The following CFAP299 variants were observed in gnomAD, a reference collection of about 807,000 sequenced individuals.
CFAP299 encodes the protein cilia and flagella associated protein 299.
Under a neutral mutation model 27.0 loss-of-function variants are expected in CFAP299, and 21 were observed. The ratio of observed to expected loss-of-function variants is 0.78; its 90% CI spans 0.55 to 1.12. The LOEUF is 1.12. Among genes scored for constraint, CFAP299 ranks in the 50% most tolerant of loss-of-function variants. CFAP299 has a pLI of 0.00. For synonymous variants in CFAP299, 104 were observed against 98.1 expected (o/e 1.06, Z -0.36); for missense variants, 310 against 276.6 (o/e 1.12, Z -0.86).
rs141060235 is a variant in CFAP299, at chr4:80,376,811, C to T, written c.242+13927C>T. Among the ~76,000 whole-genome samples, 1,288 of 152,228 alleles carry T rather than the reference C, an allele frequency of 8.5e-3. 4 individuals are homozygous for T. Among genetic ancestry groups the T allele is most frequent in the Middle Eastern group, 0.034 (10 of 294 alleles). ...CTGGAATTACAGGTGCCCGCCACCA[C>T]GCCTGGCTAATTTTTGTATTTTTAG... On this transcript the variant is annotated intron_variant, in intron 2 of 5. Transcript: ENST00000358105.
At chr4:80,424,889 A>T (rs1163575488) in intron 2 of CFAP299, among the ~76,000 whole-genome samples, 1 of 152,166 alleles carries the variant, frequency 6.6e-6, no homozygotes, top group Non-Finnish European at 1.5e-5. Context: ...AATTGTTTAT[A>T]TGGAAGGGGC....
At chr4:80,633,802 A>G (rs1739339764) in intron 3 of CFAP299, among the ~76,000 whole-genome samples, 1 of 152,144 alleles carries the variant, frequency 6.6e-6, no homozygotes, top group Admixed American at 6.6e-5. Context: ...CCAAATTTGT[A>G]TAATACTAAT....
intron 5 of CFAP299, among the ~76,000 whole-genome samples, chr4:80,959,609 C>T (rs1350648487): frequency 6.6e-6 from 1 of 151,996 alleles, no homozygotes. Context: ...TAAGGCTGAG[C>T]ATCTCTTCTG....
At chr4:80,638,143 A>G (rs1268412690) in intron 3 of CFAP299, among the ~76,000 whole-genome samples, 2 of 152,162 alleles carry the variant, frequency 1.3e-5, no homozygotes, top group Non-Finnish European at 2.9e-5. Context: ...TGCCAGAGTC[A>G]CACAGAGAGT....
chr4:80,652,500 G>A (rs781102957), intron 3 of CFAP299, among the ~76,000 whole-genome samples: 10 of 152,044 alleles, frequency 6.6e-5, no homozygotes, highest in East Asian at 1.9e-4. Context: ...GGTTACACAG[G>A]GTTGTTTTAC....
chr4:80,690,700 G>A (rs144120182), intron 3 of CFAP299, among the ~76,000 whole-genome samples: 10,406 of 152,052 alleles, frequency 0.068, 771 homozygotes, highest in African/African-American at 0.18. Flanking sequence ...AATCAGAGCA[G>A]AACTGAAAGA....
At chr4:80,679,350 T>A (rs1232528987) in intron 3 of CFAP299, among the ~76,000 whole-genome samples, 2 of 152,044 alleles carry the variant, frequency 1.3e-5, no homozygotes, top group Non-Finnish European at 2.9e-5. Flanking sequence ...TTTTGTTTTG[T>A]TTTTTGCTAT....
intron 3 of CFAP299, among the ~76,000 whole-genome samples, chr4:80,712,562 C>G (rs529704023): frequency 4.6e-5 from 7 of 152,204 alleles, no homozygotes; most frequent in African/African-American, 1.7e-4. Flanking sequence ...ACAATGGTGA[C>G]TAACTGTATA....
At chr4:80,632,661 G>A (rs1421206626) in intron 3 of CFAP299, among the ~76,000 whole-genome samples, 1 of 150,928 alleles carries the variant, frequency 6.6e-6, no homozygotes, top group Non-Finnish European at 1.5e-5. Context: ...CTTGTTACTT[G>A]TACATATAAT....
At chr4:80,349,759 C>T (rs1166316846) in intron 1 of CFAP299, among the ~76,000 whole-genome samples, 1 of 152,080 alleles carries the variant, frequency 6.6e-6, no homozygotes, top group Non-Finnish European at 1.5e-5. Context: ...TATTTTCAAA[C>T]ACTTATAGGA....
At chr4:80,804,479 T>A (rs2110112280) in intron 3 of CFAP299, among the ~76,000 whole-genome samples, 1 of 152,304 alleles carries the variant, frequency 6.6e-6, no homozygotes, top group East Asian at 1.9e-4. Flanking sequence ...GGTTGAATAA[T>A]ATTCCATTGC....
intron 3 of CFAP299, among the ~76,000 whole-genome samples, chr4:80,845,338 C>T (rs921229039): frequency 7.9e-5 from 12 of 151,034 alleles, no homozygotes; most frequent in African/African-American, 2.7e-4. Context: ...AAAATCTGAT[C>T]ATTTACATTC....
chr4:80,879,265 G>A (rs891647357), intron 4 of CFAP299, among the ~76,000 whole-genome samples: 1 of 152,074 alleles, frequency 6.6e-6, no homozygotes, highest in Non-Finnish European at 1.5e-5. Context: ...AACTTCAGTA[G>A]CCCTATAAGT....
chr4:80,840,366 T>C (rs1300619255), intron 3 of CFAP299, among the ~76,000 whole-genome samples: 1 of 152,136 alleles, frequency 6.6e-6, no homozygotes, highest in Non-Finnish European at 1.5e-5. Flanking sequence ...ACATGACATT[T>C]AAACTGACAT....
chr4:80,957,680 T>C (rs986444878), intron 5 of CFAP299, among the ~76,000 whole-genome samples: 1 of 152,188 alleles, frequency 6.6e-6, no homozygotes, highest in African/African-American at 2.4e-5. Context: ...TATTATCAAA[T>C]TTCTAAAAGT....
chr4:80,428,374 A>G (rs1349459619), intron 2 of CFAP299, among the ~76,000 whole-genome samples: 1 of 152,196 alleles, frequency 6.6e-6, no homozygotes, highest in East Asian at 1.9e-4. Context: ...ATCTGTAGTA[A>G]TCTGCACCTC....
intron 3 of CFAP299, among the ~76,000 whole-genome samples, chr4:80,710,403 G>A (rs1174067501): frequency 6.6e-6 from 1 of 151,362 alleles, no homozygotes; most frequent in African/African-American, 2.4e-5. Flanking sequence ...GGGAGATTTG[G>A]TTTCAACTCT....
intron 2 of CFAP299, among the ~76,000 whole-genome samples, chr4:80,440,646 C>T (rs1325036053): frequency 2.0e-5 from 3 of 152,176 alleles, no homozygotes; most frequent in Non-Finnish European, 4.4e-5. Context: ...CAGAATGCCT[C>T]TTCTCCTCTA....
intron 4 of CFAP299, chr4:80,870,973 C>T (rs571619849): frequency 3.7e-5 from 28 of 748,136 alleles, no homozygotes; most frequent in Non-Finnish European, 4.6e-5. Context: ...ATGGTGCAAT[C>T]TTGGATCACT....
Sources: allele counts gnomAD v4.1 joint callset (sites outside exome capture counted in the v4.1 genomes callset), GRCh38; gene constraint gnomAD v4.1.1; transcripts MANE v1.5; gene names NCBI Gene and HGNC (gene_info 2026-07-23, HGNC 2026-07-21).